The following BMP6 variants were observed in gnomAD, a reference collection of about 807,000 sequenced individuals.
BMP6 encodes bone morphogenetic protein 6.
A neutral mutation model predicts 54.1 loss-of-function variants in BMP6; 17 were observed. The ratio of observed to expected loss-of-function variants is 0.31; its 90% CI spans 0.22 to 0.47. BMP6 has a LOEUF of 0.47. Ranked by LOEUF, BMP6 falls within the 20% of genes least tolerant of loss-of-function variation. BMP6 has a pLI of 1.00. For synonymous variants in BMP6, 328 were observed against 291.2 expected (o/e 1.13, Z -1.28); for missense variants, 720 against 690.4 (o/e 1.04, Z -0.48).
At chr6:7,777,506 A>G (rs902013579) in intron 1 of BMP6, among the ~76,000 whole-genome samples, 1 of 152,152 alleles carries the variant, frequency 6.6e-6, no homozygotes, top group African/African-American at 2.4e-5. Context: ...GGAGAATCGA[A>G]GATACAGAGG....
intron 1 of BMP6, among the ~76,000 whole-genome samples, chr6:7,816,823 A>G (rs2113218596): frequency 6.6e-6 from 1 of 152,248 alleles, no homozygotes; most frequent in African/African-American, 2.4e-5. Flanking sequence ...ACACTATGAC[A>G]TTAGGGGAAA....
rs574442764 is a variant in BMP6, at chr6:7,788,154, C to G, written c.665-56986C>G. ...ACTCTGGAATATATTTCTTGAATCA[C>G]TGGAAGAAGATGGAGTCCTTGGAAA... On this transcript the variant is annotated intron_variant, in intron 1 of 6. Coordinates refer to ENST00000283147, the MANE Select transcript of BMP6 (RefSeq NM_001718.6). 2.6e-5 allele frequency among the ~76,000 whole-genome samples: 4 copies of G among 152,326 alleles called. No homozygotes were observed. In the South Asian group the frequency reaches 8.3e-4, roughly 32 times the overall value.
At chr6:7,777,848 C>T (rs892116934) in intron 1 of BMP6, among the ~76,000 whole-genome samples, 1 of 152,060 alleles carries the variant, frequency 6.6e-6, no homozygotes, top group Non-Finnish European at 1.5e-5. Flanking sequence ...CAGTGGGACT[C>T]TCCCAAGCGA....
chr6:7,770,401 A>G (rs1159058929), intron 1 of BMP6, among the ~76,000 whole-genome samples: 1 of 152,174 alleles, frequency 6.6e-6, no homozygotes, highest in Non-Finnish European at 1.5e-5. Flanking sequence ...ACATGTAACA[A>G]TTGGTTCTGT....
At chr6:7,843,344 A>C (rs1445587312) in intron 1 of BMP6, among the ~76,000 whole-genome samples, 1 of 151,766 alleles carries the variant, frequency 6.6e-6, no homozygotes, top group Non-Finnish European at 1.5e-5. Flanking sequence ...TTTTTAAAAA[A>C]TCTTGTACCT....
At chr6:7,856,614 T>TTTTTTTTTTTTTTTTTTTTTTG (rs1491363620) in intron 2 of BMP6, among the ~76,000 whole-genome samples, 1 of 95,160 alleles carries the variant, frequency 1.1e-5, no homozygotes, top group Admixed American at 1.1e-4. Context: ...TTTTTTTTTT[T>TTTTTTTTTTTTTTTTTTTTTTG]GAGACGGAGT....
chr6:7,768,582 A>C (rs1389483285), intron 1 of BMP6, among the ~76,000 whole-genome samples: 5 of 152,078 alleles, frequency 3.3e-5, no homozygotes, highest in African/African-American at 9.7e-5. Context: ...GCCTCACCTC[A>C]GCGTCCTCAA....
chr6:7,734,669 GA>G (rs1163358506), intron 1 of BMP6, among the ~76,000 whole-genome samples: 2 of 152,210 alleles, frequency 1.3e-5, no homozygotes, highest in Non-Finnish European at 2.9e-5. Flanking sequence ...AAATTGAGTT[GA>G]AAACCACGTT....
intron 1 of BMP6, among the ~76,000 whole-genome samples, chr6:7,800,984 GA>G (rs1232366873): frequency 8.6e-5 from 13 of 151,330 alleles, no homozygotes; most frequent in African/African-American, 3.2e-4. Context: ...GTACTTCCAT[GA>G]GAGCTTGCTG....
intron 1 of BMP6, among the ~76,000 whole-genome samples, chr6:7,766,405 G>A (rs1757688467): frequency 6.6e-6 from 1 of 152,142 alleles, no homozygotes; most frequent in African/African-American, 2.4e-5. Context: ...TTGAGACCAG[G>A]AGTTTGAAAA....
At chr6:7,873,077 A>G (rs896193644) in intron 4 of BMP6, among the ~76,000 whole-genome samples, 2 of 152,088 alleles carry the variant, frequency 1.3e-5, no homozygotes, top group Non-Finnish European at 2.9e-5. Flanking sequence ...TAGTGCTGGG[A>G]TTACAGGCAT....
intron 1 of BMP6, among the ~76,000 whole-genome samples, chr6:7,829,527 G>A (rs902467749): frequency 6.6e-6 from 1 of 152,052 alleles, no homozygotes; most frequent in African/African-American, 2.4e-5. Context: ...AATGTAGTGG[G>A]ACCCCATCTT....
intron 2 of BMP6, among the ~76,000 whole-genome samples, chr6:7,855,345 T>G (rs1004706573): frequency 3.7e-4 from 56 of 152,064 alleles, no homozygotes; most frequent in African/African-American, 1.3e-3. Context: ...TCCCCAAGCT[T>G]ACTGAGTCAG....
chr6:7,812,095 T>G (rs1758444255), intron 1 of BMP6, among the ~76,000 whole-genome samples: 1 of 151,874 alleles, frequency 6.6e-6, no homozygotes, highest in South Asian at 2.1e-4. Flanking sequence ...TGGGTTAGGG[T>G]TGAGTTAGAT....
chr6:7,732,600 A>G (rs966235197), intron 1 of BMP6, among the ~76,000 whole-genome samples: 5 of 152,226 alleles, frequency 3.3e-5, no homozygotes, highest in Admixed American at 1.3e-4. Context: ...CTGTGTCTTC[A>G]GAGAGTAACT....
At position 7,862,353 on chromosome 6, in the gene BMP6, C is replaced by T. The variant is rs34004211; in HGVS notation, c.1059C>T (p.Tyr353=). Residue 353 remains tyrosine (Y), a synonymous_variant, in exon 4 of 7, where the codon TAC becomes TAT. Coordinates refer to ENST00000283147, the MANE Select transcript of BMP6 (RefSeq NM_001718.6). Reference sequence around the variant, plus strand: ...GCCTGGTGGGCAGAGACGGCCCTTACGACAAGCAGCCCTTCATGGTGGCTT... The same window carrying T: ...GCCTGGTGGGCAGAGACGGCCCTTATGACAAGCAGCCCTTCATGGTGGCTT... ...AAGLVGRDGP[Y]DKQPFMVAFF... 32 of 1,614,234 alleles carry T rather than the reference C, an allele frequency of 2.0e-5. No homozygotes were observed. Among genetic ancestry groups the T allele is most frequent in the South Asian group, 7.7e-5 (7 of 91,086 alleles).
chr6:7,851,322 T>C (rs1759138484), intron 2 of BMP6, among the ~76,000 whole-genome samples: 1 of 152,190 alleles, frequency 6.6e-6, no homozygotes, highest in Admixed American at 6.5e-5. Context: ...AACATTTTTA[T>C]TAGATTAATT....
chr6:7,749,580 C>G (rs1261827323), intron 1 of BMP6, among the ~76,000 whole-genome samples: 2 of 152,178 alleles, frequency 1.3e-5, no homozygotes, highest in African/African-American at 4.8e-5. Flanking sequence ...AGGTCCCACA[C>G]CTATCTCTAT....
rs967865640 is a variant in BMP6 at position 7,726,832 on chromosome 6, G to A, written c.-124G>A. ...AGATAAGGACTGAGGGCCAGGAAGG[G>A]GAAGCGAGCCCGCCGAGAGGTGGCG... On this transcript the variant is annotated 5_prime_UTR_variant, in exon 1 of 7. Transcript: ENST00000283147. 4 of 508,482 alleles carry A rather than the reference G, an allele frequency of 7.9e-6. 1 individual carries two copies. In the East Asian group the frequency reaches 3.2e-4, roughly 41 times the overall value. 31.5% of individuals were successfully genotyped at this position (508,482 alleles called of 1,614,324 possible). A position where few individuals can be genotyped will look rare whatever the true frequency, so the allele number is the denominator to read the frequency against.
Sources: allele counts gnomAD v4.1 joint callset (sites outside exome capture counted in the v4.1 genomes callset), GRCh38; gene constraint gnomAD v4.1.1; transcripts MANE v1.5; gene names NCBI Gene and HGNC (gene_info 2026-07-23, HGNC 2026-07-21).